The following UNC93A variants were observed in gnomAD, a reference collection of about 807,000 sequenced individuals.
UNC93A encodes N-acetylglucosamine transporter UNC93A.
UNC93A carries 43 observed loss-of-function variants against 47.5 expected under a neutral mutation model. The observed-to-expected ratio is 0.91, with a 90% confidence interval of 0.71 to 1.17. The LOEUF (loss-of-function observed/expected upper bound fraction) is 1.17. UNC93A is among the 50% of genes most tolerant of loss of function. UNC93A has a pLI of 0.00. For synonymous variants in UNC93A, 280 were observed against 258.0 expected (o/e 1.09, Z -0.82); for missense variants, 605 against 577.6 (o/e 1.05, Z -0.49).
chr6:167,310,106 A>G (rs1029966391), intron 7 of UNC93A, among the ~76,000 whole-genome samples: 1 of 152,264 alleles, frequency 6.6e-6, no homozygotes, highest in African/African-American at 2.4e-5. Context: ...ACCAATAAGC[A>G]TCAAACAGTA....
intron 1 of UNC93A, among the ~76,000 whole-genome samples, chr6:167,282,853 A>C (rs1041889916): frequency 2.0e-5 from 3 of 152,208 alleles, no homozygotes; most frequent in Admixed American, 6.5e-5. Context: ...AGGCGAGACG[A>C]CTTGAAGCAG....
upstream of UNC93A, among the ~76,000 whole-genome samples, chr6:167,290,457 A>G (rs1192897594): frequency 6.6e-6 from 1 of 152,162 alleles, no homozygotes; most frequent in Non-Finnish European, 1.5e-5. Context: ...ACTTCACAGA[A>G]CTTTGGAAAC....
chr6:167,288,957 A>G (rs1443799233), upstream of UNC93A, among the ~76,000 whole-genome samples: 1 of 152,296 alleles, frequency 6.6e-6, no homozygotes, highest in Non-Finnish European at 1.5e-5. Context: ...GATCTACAGA[A>G]CCACCTCTTT....
intron 7 of UNC93A, among the ~76,000 whole-genome samples, chr6:167,313,509 G>C (rs551443756): frequency 3.0e-4 from 46 of 152,164 alleles, no homozygotes; most frequent in South Asian, 1.0e-3. Flanking sequence ...ATGGTGGGGG[G>C]GCTGGGGGAG....
chr6:167,294,383 A>T (rs1490527647), intron 1 of UNC93A, 134 bp from the exon 2 acceptor site: 1 of 1,009,096 alleles, frequency 9.9e-7, no homozygotes, highest in Non-Finnish European at 1.4e-6. Flanking sequence ...GGAGGCTCCC[A>T]GGGCAGCAAG....
chr6:167,306,280 C>G (rs988092268), intron 6 of UNC93A, among the ~76,000 whole-genome samples: 2 of 152,202 alleles, frequency 1.3e-5, no homozygotes, highest in Admixed American at 6.5e-5. Flanking sequence ...GGCATGAGGC[C>G]ACACAGCAAG....
chr6:167,303,488 TAAAC>T (rs1169739152), intron 4 of UNC93A, among the ~76,000 whole-genome samples: 7 of 152,004 alleles, frequency 4.6e-5, no homozygotes, highest in East Asian at 1.9e-4. Context: ...TTATTTGAAA[TAAAC>T]AAAAGTGTAG....
At chr6:167,299,183 C>T (rs1583080069) in intron 4 of UNC93A, among the ~76,000 whole-genome samples, 1 of 134,940 alleles carries the variant, frequency 7.4e-6, no homozygotes, top group Non-Finnish European at 1.5e-5. Flanking sequence ...TATACATATA[C>T]ACGTATATAT....
chr6:167,295,382 C>T (rs915843072), intron 2 of UNC93A, among the ~76,000 whole-genome samples: 1 of 151,968 alleles, frequency 6.6e-6, no homozygotes, highest in Non-Finnish European at 1.5e-5. Flanking sequence ...GTCCCTCGGC[C>T]TCCCTCGTGC....
At chr6:167,305,461 C>T (rs114696469) in intron 5 of UNC93A, among the ~76,000 whole-genome samples, 438 of 152,210 alleles carry the variant, frequency 2.9e-3, no homozygotes, top group African/African-American at 9.7e-3. Flanking sequence ...GAGTGTGGTG[C>T]GGTGGGCATG....
chr6:167,311,400 C>A (rs1169252412), intron 7 of UNC93A, among the ~76,000 whole-genome samples: 1 of 152,210 alleles, frequency 6.6e-6, no homozygotes, highest in Non-Finnish European at 1.5e-5. Flanking sequence ...CCCCTGGCCT[C>A]TGCAAGGGGA....
intron 1 of UNC93A, among the ~76,000 whole-genome samples, chr6:167,280,461 G>C (rs976563046): frequency 2.0e-5 from 3 of 152,162 alleles, no homozygotes; most frequent in African/African-American, 7.2e-5. Context: ...CCGTATCCTT[G>C]AGGTTTCTCT....
chr6:167,294,376 G>A, intron 1 of UNC93A, 141 bp from the exon 2 acceptor site: 1 of 903,280 alleles, frequency 1.1e-6, no homozygotes, highest in Non-Finnish European at 1.7e-6. Context: ...CTTCAGAGGA[G>A]GCTCCCAGGG....
At position 167,304,119 on chromosome 6, in the gene UNC93A, A is replaced by G. The variant is rs1188167509; in HGVS notation, c.826A>G (p.Ser276Gly). Residue 276 changes from serine (S) to glycine (G), a missense_variant, in exon 5 of 8, where the codon AGC becomes GGC. Ser to Gly is a moderately conservative substitution (Grantham distance 56). Coordinates refer to ENST00000230256, the MANE Select transcript of UNC93A (RefSeq NM_018974.4). ...TGGATTGCAGCAAGGATTCCTCTCC[A>G]GCGAATACACAAGGGTATGAACGAA... ...YSGLQQGFLSSEYTRSYVTCT... is the reference protein window; with the variant it reads ...YSGLQQGFLSGEYTRSYVTCT... 1.9e-6 allele frequency: 3 copies of G among 1,614,088 alleles called. No homozygotes were observed. The highest frequency in any genetic ancestry group is 2.5e-6 in the Non-Finnish European group (3 of 1,180,052).
In UNC93A at chr6:167,291,501, T is replaced by C. The variant is rs1324467988; in HGVS notation, c.12T>C (p.Ser4=). The C allele has an allele frequency of 1.7e-5, 27 of 1,613,948 alleles. No individual in the cohort carries two copies. The highest frequency in any genetic ancestry group is 2.3e-5 in the Non-Finnish European group (27 of 1,179,928). The part of the protein sequence containing the change: MDR[S]LRNVLVVSFG... ...TTTCATCCAGCACAATGGACAGAAG[T>C]CTAAGGAACGTCCTTGTGGTTTCCT... The change falls in exon 1 of 8, where the codon AGT becomes AGC. Residue 4 remains serine, a synonymous_variant. Coordinates refer to ENST00000230256, the MANE Select transcript of UNC93A (RefSeq NM_018974.4).
chr6:167,309,895 G>GCCAC, intron 7 of UNC93A, among the ~76,000 whole-genome samples: 1 of 152,150 alleles, frequency 6.6e-6, no homozygotes. Flanking sequence ...TTGGCCCAGC[G>GCCAC]CCACACTCTG....
intron 2 of UNC93A, among the ~76,000 whole-genome samples, chr6:167,295,434 G>GCCTGCCTCGTGCTCCTC (rs1562349908): frequency 4.4e-5 from 4 of 90,298 alleles, no homozygotes; most frequent in Admixed American, 1.0e-4. Flanking sequence ...CGTGATCCTC[G>GCCTGCCTCGTGCTCCTC]GCCTCCCTCG....
intron 1 of UNC93A, among the ~76,000 whole-genome samples, chr6:167,273,714 A>G (rs1783490405): frequency 1.3e-5 from 2 of 152,118 alleles, no homozygotes; most frequent in South Asian, 4.1e-4. Context: ...TAAGCTGTAC[A>G]TCAGTTCAGA....
chr6:167,279,445 T>G (rs966318741), intron 1 of UNC93A, among the ~76,000 whole-genome samples: 1 of 152,242 alleles, frequency 6.6e-6, no homozygotes, highest in Non-Finnish European at 1.5e-5. Context: ...TCCTATCGTA[T>G]GTGTAAAATA....
Sources: allele counts gnomAD v4.1 joint callset (sites outside exome capture counted in the v4.1 genomes callset), GRCh38; gene constraint gnomAD v4.1.1; transcripts MANE v1.5; gene names NCBI Gene and HGNC (gene_info 2026-07-23, HGNC 2026-07-21).